Variants in CFAP54 observed in about 807,000 individuals in gnomAD.
CFAP54 encodes cilia- and flagella-associated protein 54.
A neutral mutation model predicts 370.4 loss-of-function variants in CFAP54; 290 were observed. The observed-to-expected ratio is 0.78, with a 90% CI of 0.71 to 0.86. The LOEUF is 0.86. Among genes scored for constraint, CFAP54 ranks in the 40% least tolerant of loss-of-function variants. CFAP54 has a pLI of 0.00. For missense variants in CFAP54, 3,399 were observed against 3,528.7 expected (o/e 0.96, Z 0.93); for synonymous variants, 1,206 against 1,236.5 (o/e 0.98, Z 0.52).
chr12:96,758,674 T>C (rs537548966), intron 58 of CFAP54, among the ~76,000 whole-genome samples: 2 of 152,220 alleles, frequency 1.3e-5, no homozygotes, highest in East Asian at 1.9e-4. Context: ...GAAGGGGTGA[T>C]GTTTGAAGTA....
At position 96,752,085 on chromosome 12, in the gene CFAP54, TGAGAGAGAGAGA is replaced by T. The variant is rs55648812; in HGVS notation, c.7685-1621_7685-1610del. On this transcript the variant is annotated intron_variant, in intron 55 of 67. Coordinates refer to ENST00000524981, the MANE Select transcript of CFAP54 (RefSeq NM_001306084.2). ...AAGGACTCAGTAACTTCTTCCTGGA[TGAGAGAGAGAGA>T]GAGAGAGAGAGAGAGAGAGAGAGAG... 1.8e-3 allele frequency among the ~76,000 whole-genome samples: 166 copies of T among 90,620 alleles called. No homozygotes were observed. The Middle Eastern group carries it at 0.02, about 11-fold the overall frequency. 59.5% of individuals were successfully genotyped at this position (90,620 alleles called of 152,430 possible).
At chr12:96,555,219 GT>G (rs1418194906) in intron 17 of CFAP54, among the ~76,000 whole-genome samples, 1 of 151,976 alleles carries the variant, frequency 6.6e-6, no homozygotes, top group Non-Finnish European at 1.5e-5. Flanking sequence ...TGGGCTCAGA[GT>G]ATTATGGGCA....
chr12:96,842,222 TTAAAC>T (rs1176684715), intron 66 of CFAP54, among the ~76,000 whole-genome samples: 7 of 152,242 alleles, frequency 4.6e-5, no homozygotes, highest in Non-Finnish European at 7.3e-5. Context: ...CCTTTTTAAA[TTAAAC>T]TATTTATTTT....
intron 60 of CFAP54, among the ~76,000 whole-genome samples, chr12:96,771,509 A>G (rs369634248): frequency 0.011 from 1,651 of 152,228 alleles, 27 homozygotes; most frequent in African/African-American, 0.034. Context: ...AAAATTAGCC[A>G]GGCGCGGTGG....
chr12:96,720,915 G>A (rs1957744205), intron 50 of CFAP54, among the ~76,000 whole-genome samples: 1 of 151,996 alleles, frequency 6.6e-6, no homozygotes, highest in South Asian at 2.1e-4. Context: ...AGCTACTCGG[G>A]AGGCTAAGGC....
intron 63 of CFAP54, among the ~76,000 whole-genome samples, chr12:96,793,499 C>T (rs2136703975): frequency 6.6e-6 from 1 of 152,162 alleles, no homozygotes; most frequent in Admixed American, 6.5e-5. Flanking sequence ...GTGAATTGTG[C>T]TGCTATAAAC....
Position 96,518,717 on chromosome 12 carries a change from A to T in CFAP54, c.799-211A>T, listed in dbSNP as rs1309069860. On this transcript the variant is annotated intron_variant, in intron 5 of 67. Coordinates refer to ENST00000524981, the MANE Select transcript of CFAP54 (RefSeq NM_001306084.2). Reference sequence around the variant, plus strand: ...AATAAACAAACAAAAAAGACATTTTAGGATGTCTTCCAAAATGGCTTGAGA... The same window carrying T: ...AATAAACAAACAAAAAAGACATTTTTGGATGTCTTCCAAAATGGCTTGAGA... 2.6e-5 allele frequency among the ~76,000 whole-genome samples: 4 copies of T among 151,776 alleles called. No individual in the cohort carries two copies. In the East Asian group the frequency reaches 7.7e-4, roughly 29 times the overall value.
intron 1 of CFAP54, among the ~76,000 whole-genome samples, chr12:96,492,942 C>T (rs1376676450): frequency 6.6e-6 from 1 of 151,584 alleles, no homozygotes; most frequent in Non-Finnish European, 1.5e-5. Context: ...TGCCAGTGTG[C>T]CGAGATCATG....
intron 26 of CFAP54, among the ~76,000 whole-genome samples, chr12:96,613,643 G>C (rs1331529733): frequency 6.6e-6 from 1 of 152,026 alleles, no homozygotes; most frequent in African/African-American, 2.4e-5. Context: ...AAGAAGAAAA[G>C]AGACAAGAAG....
chr12:96,790,692 A>G (rs936597205), intron 62 of CFAP54, among the ~76,000 whole-genome samples: 1 of 152,128 alleles, frequency 6.6e-6, no homozygotes, highest in Non-Finnish European at 1.5e-5. Flanking sequence ...GAACTGCCTG[A>G]CATAAAATTA....
At chr12:96,595,513 C>T (rs183610668) in intron 25 of CFAP54, among the ~76,000 whole-genome samples, 1 of 152,186 alleles carries the variant, frequency 6.6e-6, no homozygotes, top group East Asian at 1.9e-4. Flanking sequence ...TTTTGTCATC[C>T]TAGAAGATGT....
At chr12:96,649,105 T>C (rs76555801) in intron 34 of CFAP54, among the ~76,000 whole-genome samples, 211 of 152,342 alleles carry the variant, frequency 1.4e-3, no homozygotes, top group Non-Finnish European at 2.4e-3. Flanking sequence ...ATGGGATTTA[T>C]TGCCAACCAG....
At chr12:96,657,101 T>G (rs2136512005) in intron 36 of CFAP54, among the ~76,000 whole-genome samples, 1 of 152,362 alleles carries the variant, frequency 6.6e-6, no homozygotes, top group Admixed American at 6.5e-5. Flanking sequence ...GTATATAGGT[T>G]ACTTTTAGTG....
chr12:96,799,621 C>T (rs1293843795), intron 63 of CFAP54, among the ~76,000 whole-genome samples: 1 of 152,176 alleles, frequency 6.6e-6, no homozygotes, highest in Non-Finnish European at 1.5e-5. Context: ...TATCCAGATA[C>T]AAAAGAGAAA....
chr12:96,522,148 T>A lies in CFAP54; in HGVS notation c.1117T>A (p.Phe373Ile). ...ATCTAGAAGAAAAAACAAAGCTGTC[T>A]TTAGACCTAAGATAAGAATTAACCT... The part of the protein sequence containing the change: ...FESRRKNKAV[F>I]RPKIRINLRE... The change falls in exon 8 of 68, where the codon TTT becomes ATT. Residue 373 changes from phenylalanine to isoleucine, a missense_variant. This residue lies in a region of CFAP54 where 559 missense variants were observed against 576.7 expected (regional missense o/e 0.97). Transcript: ENST00000524981. 6.5e-7 allele frequency: 1 copy of A among 1,535,538 alleles called. No individual in the cohort carries two copies. The highest frequency in any genetic ancestry group is 8.7e-7 in the Non-Finnish European group (1 of 1,146,716).
In CFAP54 at chr12:96,784,797, A is replaced by G; in HGVS notation, c.8362A>G (p.Lys2788Glu). The change falls in exon 61 of 68, where the codon AAA becomes GAA. Residue 2788 changes from lysine (K) to glutamate (E), a missense_variant. Around this residue, in one of 3 missense-constraint regions of CFAP54, gnomAD observed 2,796 missense variants for 2,869.7 expected, o/e 0.97. Coordinates refer to ENST00000524981, the MANE Select transcript of CFAP54 (RefSeq NM_001306084.2). ...TGTGTGTGACAGCGCAGATGGTAGA[A>G]AAAAGACTCAGACCAAAGTGGATAT... is the stretch of plus-strand genomic sequence containing the variant. The part of the protein sequence containing the change: ...DDVCDSADGR[K>E]KTQTKVDITW... The G allele has an allele frequency of 2.6e-6, 4 of 1,535,042 alleles. No individual in the cohort carries two copies. Among genetic ancestry groups the G allele is most frequent in the Non-Finnish European group, 3.5e-6 (4 of 1,146,184 alleles).
At chr12:96,570,078 C>G (rs1955899849) in intron 19 of CFAP54, among the ~76,000 whole-genome samples, 1 of 152,060 alleles carries the variant, frequency 6.6e-6, no homozygotes, top group South Asian at 2.1e-4. Flanking sequence ...CTGGGTTCAG[C>G]CATTCTCCTA....
chr12:96,734,699 A>G (rs1405172571), intron 50 of CFAP54, among the ~76,000 whole-genome samples: 1 of 152,222 alleles, frequency 6.6e-6, no homozygotes, highest in Non-Finnish European at 1.5e-5. Flanking sequence ...TTTCACATGA[A>G]CTAAAAAGTT....
At chr12:96,530,002 T>C (rs1955424257) in intron 9 of CFAP54, among the ~76,000 whole-genome samples, 1 of 152,216 alleles carries the variant, frequency 6.6e-6, no homozygotes, top group Non-Finnish European at 1.5e-5. Context: ...TAGATCTTTT[T>C]TGTTTATACG....
Sources: gnomAD v4.1 joint callset for allele counts (sites outside exome capture counted in the v4.1 genomes callset) on GRCh38, gnomAD v4.1.1 for gene constraint, gnomAD v4.1.1 regional missense constraint, MANE v1.5 for transcripts, NCBI Gene and HGNC (gene_info 2026-07-23, HGNC 2026-07-21) for gene names.